GUCY2F: variants seen among roughly 807,000 people sequenced by gnomAD.
GUCY2F encodes the protein guanylate cyclase 2F, retinal, also known as retinal guanylyl cyclase 2.
Under a neutral mutation model 73.1 loss-of-function variants are expected in GUCY2F, and 61 were observed. The observed-to-expected ratio is 0.83, with a 90% confidence interval of 0.68 to 1.03. The LOEUF is 1.03. GUCY2F is among the 50% of genes least tolerant of loss of function. GUCY2F has a pLI of 0.00. For synonymous variants in GUCY2F, 331 were observed against 307.8 expected, an observed-to-expected ratio of 1.08 and a Z score of -0.79; for missense variants, 912 against 854.3, an observed-to-expected ratio of 1.07 and a Z score of -0.84.
At chrX:109,383,699 A>G (rs943096738) in intron 16 of GUCY2F, among the ~76,000 whole-genome samples, 1 of 112,159 alleles carries the variant, frequency 8.9e-6, no homozygotes, top group Non-Finnish European at 1.9e-5. Flanking sequence ...TCAGTGCTTA[A>G]TAAACACCTG....
chrX:109,417,993 A>G (rs1403251716), intron 8 of GUCY2F, among the ~76,000 whole-genome samples: 1 of 107,469 alleles, frequency 9.3e-6, no homozygotes, highest in Non-Finnish European at 1.9e-5. Context: ...GGATCATAAG[A>G]AGAATATTTT....
At chrX:109,479,273 G>A (rs1932750738) in intron 1 of GUCY2F, among the ~76,000 whole-genome samples, 1 of 112,208 alleles carries the variant, frequency 8.9e-6, no homozygotes, top group South Asian at 3.7e-4. Context: ...CAAAGTGGGG[G>A]TAAATTTAAT....
At chrX:109,424,032 T>A (rs1475176121) in intron 8 of GUCY2F, among the ~76,000 whole-genome samples, 1 of 111,891 alleles carries the variant, frequency 8.9e-6, no homozygotes, top group African/African-American at 3.2e-5. Context: ...ATTATCAGTA[T>A]CAGGAATGAA....
chrX:109,436,481 T>C (rs1362587512), intron 7 of GUCY2F, among the ~76,000 whole-genome samples: 5 of 111,255 alleles, frequency 4.5e-5, no homozygotes, highest in African/African-American at 9.8e-5. Flanking sequence ...AAGACACATG[T>C]ACACGTATGT....
intron 3 of GUCY2F, among the ~76,000 whole-genome samples, chrX:109,459,431 A>G (rs1174142460): frequency 9.0e-6 from 1 of 111,408 alleles, no homozygotes; most frequent in Non-Finnish European, 1.9e-5. Context: ...ATGTCTGTGT[A>G]ATAAACATGT....
chrX:109,446,630 TG>T (rs1434633706), intron 6 of GUCY2F, among the ~76,000 whole-genome samples: 3 of 111,663 alleles, frequency 2.7e-5, no homozygotes, highest in African/African-American at 9.9e-5. Flanking sequence ...TAATTCAAGA[TG>T]GATTAAAGAC....
intron 17 of GUCY2F, among the ~76,000 whole-genome samples, chrX:109,377,003 G>A (rs1467986088): frequency 8.9e-6 from 1 of 111,830 alleles, no homozygotes; most frequent in Non-Finnish European, 1.9e-5. Flanking sequence ...CTGAAATATG[G>A]TCTCACTCAC....
chrX:109,460,488 G>A (rs1462029831), intron 3 of GUCY2F, among the ~76,000 whole-genome samples: 1 of 111,572 alleles, frequency 9.0e-6, no homozygotes, highest in Non-Finnish European at 1.9e-5. Flanking sequence ...AAGGACTGAG[G>A]GAAAATGATT....
intron 6 of GUCY2F, 72 bp from the exon 7 acceptor site, chrX:109,441,554 T>C (rs1931868095): frequency 2.8e-6 from 2 of 725,173 alleles, no homozygotes; most frequent in Admixed American, 3.7e-5. Context: ...ATCTGAATTT[T>C]CTTTTTTATT....
At chrX:109,377,033 A>G (rs958473690) in intron 17 of GUCY2F, among the ~76,000 whole-genome samples, 1 of 112,397 alleles carries the variant, frequency 8.9e-6, no homozygotes, top group Non-Finnish European at 1.9e-5. Context: ...CATTTGGAGC[A>G]GTTCTGAATT....
intron 7 of GUCY2F, among the ~76,000 whole-genome samples, chrX:109,433,242 C>T (rs1931654857): frequency 1.8e-5 from 2 of 112,287 alleles, no homozygotes; most frequent in African/African-American, 6.5e-5. Flanking sequence ...TTCTGTCTGG[C>T]TTATTAAGTG....
chrX:109,409,172 G>T lies in GUCY2F; in HGVS notation c.1792-4C>A. On this transcript the variant is annotated splice_region_variant and splice_polypyrimidine_tract_variant and intron_variant, in intron 8 of 19. Coordinates refer to ENST00000218006, the MANE Select transcript of GUCY2F (RefSeq NM_001522.3). The stretch of plus-strand genomic sequence containing the variant: ...TCTCATGACGCAAGTCCTTCATCTG[G>T]AAATGAGAGACAGAAATGAGAGTCA... The T allele has an allele frequency of 9.6e-7, 1 of 1,041,262 alleles. No individual in the cohort carries two copies. Among genetic ancestry groups the T allele is most frequent in the Non-Finnish European group, 1.3e-6 (1 of 743,231 alleles). The allele number at this position is 1,041,262 out of a possible 1,213,427, so 85.8% of individuals were successfully genotyped here. A position where few individuals can be genotyped will look rare whatever the true frequency, so the allele number is the denominator to read the frequency against.
chrX:109,385,081 T>C (rs1043223564), intron 16 of GUCY2F, 103 bp downstream of exon 16: 1 of 441,787 alleles, frequency 2.3e-6, no homozygotes, highest in African/African-American at 2.5e-5. Flanking sequence ...CTTTAAAACA[T>C]TGAAACATCA....
chrX:109,404,504 A>G lies in GUCY2F; in HGVS notation c.1969-20T>C. 4 of 1,109,318 alleles carry G rather than the reference A, an allele frequency of 3.6e-6. No homozygotes were observed. Among genetic ancestry groups the G allele is most frequent in the Non-Finnish European group, 3.7e-6 (3 of 813,752 alleles). The allele number at this position is 1,109,318 out of a possible 1,213,427, so 91.4% of individuals were successfully genotyped here. A position where few individuals can be genotyped will look rare whatever the true frequency, so the allele number is the denominator to read the frequency against. ...CATGCCCTGTAGATGACACAACAGG[A>G]TTTATTTAGCAACTCATTTAACTAT... On this transcript the variant is annotated intron_variant, in intron 9 of 19. Transcript: ENST00000218006.
intron 5 of GUCY2F, among the ~76,000 whole-genome samples, chrX:109,449,241 G>C (rs1047681505): frequency 1.8e-5 from 2 of 112,326 alleles, no homozygotes; most frequent in Non-Finnish European, 3.8e-5. Flanking sequence ...TTAAGTATCA[G>C]CAACTCAGTT....
intron 6 of GUCY2F, among the ~76,000 whole-genome samples, chrX:109,442,138 C>G (rs1384113712): frequency 8.9e-6 from 1 of 111,736 alleles, no homozygotes. Flanking sequence ...ACACATAAGT[C>G]TGGTAGGAAA....
rs1932450265 is a variant in GUCY2F at position 109,465,438 on chromosome X, T to C, written c.736A>G (p.Ile246Val). 3.4e-6 allele frequency: 4 copies of C among 1,187,641 alleles called. No individual in the cohort carries two copies. The African/African-American group carries it at 5.3e-5, about 16-fold the overall frequency. ...IHQADRIRII[I>V]MCMHSALIGG... ...ATCAAAGCTGAATGCATACACATGA[T>C]GATTACTGAAACCAACAAAGCAAGG... The change falls in exon 3 of 20, where the codon ATC (isoleucine) becomes GTC (valine). Residue 246 changes from isoleucine (I) to valine (V), a missense_variant. Coordinates refer to ENST00000218006, the MANE Select transcript of GUCY2F (RefSeq NM_001522.3).
At chrX:109,406,896 C>A (rs1930985522) in intron 9 of GUCY2F, among the ~76,000 whole-genome samples, 1 of 112,229 alleles carries the variant, frequency 8.9e-6, no homozygotes, top group African/African-American at 3.2e-5. Flanking sequence ...AACTATAAGT[C>A]CAATTAAACC....
intron 3 of GUCY2F, among the ~76,000 whole-genome samples, chrX:109,454,763 G>C (rs1030746231): frequency 6.3e-5 from 7 of 110,760 alleles, no homozygotes; most frequent in Non-Finnish European, 1.3e-4. Context: ...TCCCTTCTCT[G>C]TACCTCCCCC....
Sources: gnomAD v4.1 joint callset for allele counts (sites outside exome capture counted in the v4.1 genomes callset) on GRCh38, gnomAD v4.1.1 for gene constraint, MANE v1.5 for transcripts, NCBI Gene and HGNC (gene_info 2026-07-23, HGNC 2026-07-21) for gene names.